The following KCNJ16 variants were observed in gnomAD, a reference collection of about 807,000 sequenced individuals.
KCNJ16 encodes potassium inwardly rectifying channel subfamily J member 16.
In KCNJ16, 15 loss-of-function variants were observed where a neutral mutation model predicts 18.5. The observed-to-expected ratio is 0.81, with a 90% CI of 0.54 to 1.25. The LOEUF (loss-of-function observed/expected upper bound fraction) is 1.25. Among genes scored for constraint, KCNJ16 ranks in the 50% most tolerant of loss-of-function variants. The probability of loss-of-function intolerance (pLI) is 0.00; values close to 1 mark genes in which losing one functional copy is unlikely to be tolerated. For synonymous variants in KCNJ16, 174 were observed against 186.5 expected (o/e 0.93, Z 0.55); for missense variants, 523 against 525.7 (o/e 0.99, Z 0.05).
chr17:70,116,447 C>T lies in KCNJ16; in HGVS notation c.-190-14432C>T, dbSNP rs116130106. The stretch of plus-strand genomic sequence containing the variant: ...TTCTTTAGAAAAAAATTGCTGAGAA[C>T]GGAATTGCTGCATTGGAGGTTGTAC... On this transcript the variant is annotated intron_variant, in intron 2 of 3. Transcript: ENST00000392671. Among the ~76,000 whole-genome samples the T allele has an allele frequency of 4.4e-3, 670 of 152,210 alleles. 3 individuals carry two copies. The highest frequency in any genetic ancestry group is 0.015 in the African/African-American group (637 of 41,534).
chr17:70,113,944 C>T (rs960423116), intron 2 of KCNJ16, among the ~76,000 whole-genome samples: 3 of 152,026 alleles, frequency 2.0e-5, no homozygotes, highest in Non-Finnish European at 2.9e-5. Flanking sequence ...GCTAAGAGGC[C>T]TTGAGAAGGC....
intron 1 of KCNJ16, among the ~76,000 whole-genome samples, chr17:70,092,074 T>A (rs142479735): frequency 5.1e-4 from 78 of 152,324 alleles, no homozygotes; most frequent in African/African-American, 1.9e-3. Context: ...AACATCTACC[T>A]AAAAGCACAT....
intron 1 of KCNJ16, among the ~76,000 whole-genome samples, chr17:70,080,137 C>T (rs2071490779): frequency 1.3e-5 from 2 of 152,174 alleles, no homozygotes; most frequent in African/African-American, 4.8e-5. Flanking sequence ...AATGACATTG[C>T]TTCCTCTTCC....
At chr17:70,081,807 TG>T (rs1159125669) in intron 1 of KCNJ16, among the ~76,000 whole-genome samples, 8 of 25,608 alleles carry the variant, frequency 3.1e-4, no homozygotes, top group Non-Finnish European at 5.1e-4. Context: ...CACCATGCTC[TG>T]TGTGTGTGTG....
At chr17:70,102,944 C>CA (rs1567788890) in intron 2 of KCNJ16, among the ~76,000 whole-genome samples, 1 of 150,724 alleles carries the variant, frequency 6.6e-6, no homozygotes, top group Non-Finnish European at 1.5e-5. Flanking sequence ...TTTTCCTTTC[C>CA]TTTTTTTTGA....
In KCNJ16 at chr17:70,081,249, C is replaced by T. The variant is rs144540072; in HGVS notation, c.-300+5859C>T. Reference sequence around the variant, plus strand: ...GGTTCGATCTCACGCCCAAGGAGAACGTGGAGTGGCTAATTTGAACAAATT... The same window carrying T: ...GGTTCGATCTCACGCCCAAGGAGAATGTGGAGTGGCTAATTTGAACAAATT... On this transcript the variant is annotated intron_variant, in intron 1 of 3. Transcript: ENST00000392671. Among the ~76,000 whole-genome samples, 19 of 152,184 alleles carry T rather than the reference C, an allele frequency of 1.2e-4. No individual in the cohort carries two copies. The East Asian group carries it at 1.7e-3, about 14-fold the overall frequency.
At chr17:70,129,850 C>A (rs1292351118) in intron 2 of KCNJ16, among the ~76,000 whole-genome samples, 1 of 151,954 alleles carries the variant, frequency 6.6e-6, no homozygotes, top group African/African-American at 2.4e-5. Context: ...TTGCTGGTAC[C>A]CCTGGAATTC....
At chr17:70,079,788 C>T (rs1419845313) in intron 1 of KCNJ16, among the ~76,000 whole-genome samples, 4 of 152,076 alleles carry the variant, frequency 2.6e-5, no homozygotes, top group East Asian at 1.9e-4. Flanking sequence ...CTGCAACCTC[C>T]GCCTCCCAGG....
Position 70,132,274 on chromosome 17 carries a change from A to C in KCNJ16, c.187A>C (p.Thr63Pro). 1 of 1,614,168 alleles carries C rather than the reference A, an allele frequency of 6.2e-7. No individual in the cohort carries two copies. The highest frequency in any genetic ancestry group is 8.5e-7 in the Non-Finnish European group (1 of 1,180,022). The change falls in exon 4 of 4, where the codon ACC becomes CCC. Residue 63 changes from threonine (T) to proline (P), a missense_variant. Transcript: ENST00000392671. ...EWGSYVVDIF[T>P]TLVDTKWRHM... ...GGGAAGCTATGTGGTTGACATCTTC[A>C]CCACTCTTGTGGACACCAAGTGGCG...
At chr17:70,110,817 A>G (rs1227022761) in intron 2 of KCNJ16, among the ~76,000 whole-genome samples, 2 of 152,026 alleles carry the variant, frequency 1.3e-5, no homozygotes, top group Non-Finnish European at 2.9e-5. Context: ...GGCATCACTC[A>G]ATTAGCTCTC....
intron 1 of KCNJ16, among the ~76,000 whole-genome samples, chr17:70,088,049 A>T (rs1195192656): frequency 6.7e-6 from 1 of 150,084 alleles, no homozygotes; most frequent in Admixed American, 6.7e-5. Context: ...AAAGTAAAAG[A>T]AAAAGAAAAA....
At chr17:70,097,577 C>T (rs1447994021) in intron 1 of KCNJ16, among the ~76,000 whole-genome samples, 1 of 152,248 alleles carries the variant, frequency 6.6e-6, no homozygotes, top group African/African-American at 2.4e-5. Context: ...AGGCCCTCAT[C>T]GCAGCCCCAT....
At position 70,102,892 on chromosome 17, in the gene KCNJ16, CTGAT is replaced by C. The variant is rs1057479425; in HGVS notation, c.-191+2129_-191+2132del. Among the ~76,000 whole-genome samples the C allele has an allele frequency of 3.2e-3, 480 of 152,128 alleles. 6 individuals carry two copies. Among genetic ancestry groups the C allele is most frequent in the African/African-American group, 9.1e-3 (378 of 41,490 alleles). On this transcript the variant is annotated intron_variant, in intron 2 of 3. Coordinates refer to ENST00000392671, the MANE Select transcript of KCNJ16 (RefSeq NM_170741.4). ...TGGTCAATTCTTGTCCTTATCCTGA[CTGAT>C]TGTTAATATCTAACACACATGATCA...
chr17:70,135,007 C>CT lies in KCNJ16; in HGVS notation c.*1679dup, dbSNP rs34903097. 0.33 allele frequency: 44,526 copies of CT among 136,844 alleles called. 8,905 individuals carry two copies. The highest frequency in any genetic ancestry group is 0.57 in the African/African-American group (20,183 of 35,174). The allele number at this position is 136,844 out of a possible 1,614,324, so 8.5% of individuals were successfully genotyped here. A position where few individuals can be genotyped will look rare whatever the true frequency, so the allele number is the denominator to read the frequency against. Reference sequence around the variant, plus strand: ...ATCCTTCCCTTTCTCCTTCTTTTCCCTTTTTTTTTTTTTTTTGACCTGGGA... The same window carrying CT: ...ATCCTTCCCTTTCTCCTTCTTTTCCCTTTTTTTTTTTTTTTTTGACCTGGGA... On this transcript the variant is annotated 3_prime_UTR_variant, in exon 4 of 4. Transcript: ENST00000392671.
intron 2 of KCNJ16, among the ~76,000 whole-genome samples, chr17:70,119,756 T>A (rs11650824): frequency 0.028 from 4,194 of 152,302 alleles, 102 homozygotes; most frequent in Non-Finnish European, 0.035. Context: ...TTTGGGCCTG[T>A]GATGGGAGGG....
In KCNJ16 at chr17:70,087,013, C is replaced by T. The variant is rs558635668; in HGVS notation, c.-300+11623C>T. On this transcript the variant is annotated intron_variant, in intron 1 of 3. Transcript: ENST00000392671. ...TCCCGGGTTCAAGATATTCTCCTGC[C>T]TCAGCCCCCCGAGTAGCTGGGATTA... Among the ~76,000 whole-genome samples, 12 of 152,048 alleles carry T rather than the reference C, an allele frequency of 7.9e-5. No homozygotes were observed. The South Asian group carries it at 2.3e-3, about 29-fold the overall frequency.
chr17:70,104,176 G>C (rs930608681), intron 2 of KCNJ16, among the ~76,000 whole-genome samples: 7 of 151,956 alleles, frequency 4.6e-5, no homozygotes, highest in Non-Finnish European at 8.8e-5. Flanking sequence ...ACATTGCCCA[G>C]GTTGGTCTTA....
rs76323951 is a variant in KCNJ16 at position 70,131,984 on chromosome 17, T to C, written c.-93-11T>C. ...GCTAAAAAGTGTGTTTTTGTTGTTG[T>C]TGTTTTTTAGGTTCTAACTGAAAAC... is the stretch of plus-strand genomic sequence containing the variant. On this transcript the variant is annotated splice_polypyrimidine_tract_variant and intron_variant, in intron 3 of 3. Transcript: ENST00000392671. 1.3e-4 allele frequency: 207 copies of C among 1,550,686 alleles called. No individual in the cohort carries two copies. The East Asian group carries it at 4.2e-3, about 32-fold the overall frequency.
chr17:70,116,031 T>C (rs9892758), intron 2 of KCNJ16, among the ~76,000 whole-genome samples: 13,047 of 152,166 alleles, frequency 0.086, 1,879 homozygotes, highest in African/African-American at 0.3. Flanking sequence ...ACACCTTTTT[T>C]CTTTCTGCAA....
Sources: gnomAD v4.1 joint callset for allele counts (sites outside exome capture counted in the v4.1 genomes callset) on GRCh38, gnomAD v4.1.1 for gene constraint, MANE v1.5 for transcripts, NCBI Gene and HGNC (gene_info 2026-07-23, HGNC 2026-07-21) for gene names.